Variants in BCL9 observed in about 807,000 individuals in gnomAD.
BCL9 encodes the protein BCL9 transcription coactivator.
Under a neutral mutation model 88.5 loss-of-function variants are expected in BCL9, and 25 were observed. The observed-to-expected ratio is 0.28, with a 90% CI of 0.21 to 0.39. The LOEUF is 0.39. Among genes scored for constraint, BCL9 ranks in the 10% least tolerant of loss-of-function variants. BCL9 has a pLI of 1.00. For missense variants in BCL9, 1,817 were observed against 1,877.8 expected (o/e 0.97, Z 0.60); for synonymous variants, 711 against 673.3 (o/e 1.06, Z -0.87).
At chr1:147,562,160 C>G (rs1042207321) in intron 1 of BCL9, among the ~76,000 whole-genome samples, 1 of 152,120 alleles carries the variant, frequency 6.6e-6, no homozygotes, top group Non-Finnish European at 1.5e-5. Context: ...GAAACCCTGT[C>G]TCTACTAAAA....
intron 3 of BCL9, among the ~76,000 whole-genome samples, chr1:147,609,103 AT>A (rs1657873849): frequency 1.3e-5 from 2 of 152,220 alleles, no homozygotes; most frequent in Non-Finnish European, 2.9e-5. Flanking sequence ...AGAGAAAAAC[AT>A]TGTATAAGTA....
At chr1:147,608,991 C>T (rs1303939727) in intron 3 of BCL9, among the ~76,000 whole-genome samples, 1 of 152,158 alleles carries the variant, frequency 6.6e-6, no homozygotes. Context: ...AGTGGTGGCA[C>T]CTGCCTCCTG....
rs1303893564 is a variant in BCL9, at chr1:147,624,578, G to A, written c.3900G>A (p.Pro1300=). Residue 1300 remains proline, a synonymous_variant, in exon 10 of 10, where the codon CCG becomes CCA. Transcript: ENST00000234739. The surrounding 1 kb of genome is among the most constrained non-coding windows in gnomAD (Gnocchi z 4.4). ...GMGGPGPVGT[P]DIPLGTAPSM... is the part of the protein sequence containing the mutation. ...GAGGTCCAGGGCCAGTGGGAACTCC[G>A]GACATCCCTCTTGGTACAGCTCCAT... is the stretch of plus-strand genomic sequence containing the variant. The A allele has an allele frequency of 1.1e-5, 17 of 1,614,146 alleles. No homozygotes were observed. Among genetic ancestry groups the A allele is most frequent in the Admixed American group, 5.0e-5 (3 of 60,024 alleles).
chr1:147,587,217 C>G (rs1482512358), intron 1 of BCL9, among the ~76,000 whole-genome samples: 6 of 151,994 alleles, frequency 3.9e-5, no homozygotes, highest in African/African-American at 1.5e-4. Context: ...CTTCTCCAGA[C>G]TTTATACGCC....
chr1:147,614,631 G>T lies in BCL9; in HGVS notation c.560+15G>T, dbSNP rs1658180264. ...ATGGCCAATAAGTAAGTTGATGGCT[G>T]TGTCTTGCTGTTGGGCAGGGCTTGT... On this transcript the variant is annotated intron_variant, in intron 6 of 9. Coordinates refer to ENST00000234739, the MANE Select transcript of BCL9 (RefSeq NM_004326.4). The T allele has an allele frequency of 1.3e-6, 2 of 1,595,846 alleles. No homozygotes were observed. The highest frequency in any genetic ancestry group is 1.7e-6 in the Non-Finnish European group (2 of 1,169,250).
At chr1:147,601,924 G>T (rs782454373) in intron 1 of BCL9, among the ~76,000 whole-genome samples, 1 of 152,036 alleles carries the variant, frequency 6.6e-6, no homozygotes, top group South Asian at 2.1e-4. Flanking sequence ...TTTTTGAGAC[G>T]GAGTCTCGCT....
intron 7 of BCL9, among the ~76,000 whole-genome samples, chr1:147,616,219 G>C (rs1440855082): frequency 1.3e-5 from 2 of 152,038 alleles, no homozygotes; most frequent in African/African-American, 4.8e-5. Flanking sequence ...GTACAGAGCA[G>C]GTTTTTTAAA....
Position 147,613,014 on chromosome 1 carries a change from C to A in BCL9, c.185C>A (p.Ser62Tyr), listed in dbSNP as rs1056336704. ...QGGSASQSQP[S>Y]PCDSKSGGHT... ...GGCTCAGCCAGCCAATCCCAGCCAT[C>A]CCCCTGTGACTCCAAGAGTGGGGGC... Residue 62 changes from serine (S) to tyrosine (Y), a missense_variant, in exon 5 of 10, where the codon TCC becomes TAC. Transcript: ENST00000234739. 1.2e-6 allele frequency: 2 copies of A among 1,603,412 alleles called. No individual in the cohort carries two copies. The highest frequency in any genetic ancestry group is 2.7e-5 in the African/African-American group (2 of 74,662).
intron 2 of BCL9, among the ~76,000 whole-genome samples, chr1:147,605,555 A>G (rs1316321357): frequency 2.0e-5 from 3 of 152,224 alleles, no homozygotes; most frequent in African/African-American, 7.2e-5. Context: ...TAATTTGCTT[A>G]AAGTTAGCTA....
intron 1 of BCL9, among the ~76,000 whole-genome samples, chr1:147,589,572 T>C (rs1225935170): frequency 6.6e-6 from 1 of 152,236 alleles, no homozygotes; most frequent in African/African-American, 2.4e-5. Context: ...AATGAAATCA[T>C]GCAATATGTA....
chr1:147,563,798 C>T (rs10793690), intron 1 of BCL9, among the ~76,000 whole-genome samples: 36,585 of 152,182 alleles, frequency 0.24, 9,054 homozygotes, highest in African/African-American at 0.64. Flanking sequence ...TATTAACAAC[C>T]ACTACTCATT....
At chr1:147,592,864 A>T (rs782019971) in intron 1 of BCL9, among the ~76,000 whole-genome samples, 5 of 152,122 alleles carry the variant, frequency 3.3e-5, no homozygotes, top group Non-Finnish European at 7.4e-5. Context: ...ACCTATTACC[A>T]GTACTCCACT....
intron 1 of BCL9, among the ~76,000 whole-genome samples, chr1:147,592,682 C>T (rs1194951378): frequency 6.6e-6 from 1 of 152,164 alleles, no homozygotes; most frequent in Non-Finnish European, 1.5e-5. Context: ...AGGGGATAGC[C>T]TTTCAGTGTC....
rs781989760 is a variant in BCL9, at chr1:147,620,536, A to G, written c.2381A>G (p.Asn794Ser). The G allele has an allele frequency of 6.2e-7, 1 of 1,613,866 alleles. No homozygotes were observed. Among genetic ancestry groups the G allele is most frequent in the African/African-American group, 1.3e-5 (1 of 74,928 alleles). ...CCCATGTCTCAGGGTCCAGGCAGCA[A>G]CAGTGGCTTGCGGAATCTCAGAGAA... The part of the protein sequence containing the change: ...FLPMSQGPGS[N>S]SGLRNLREPI... The change falls in exon 8 of 10, where the codon AAC becomes AGC. Residue 794 changes from asparagine to serine, a missense_variant. Physicochemically the swap from Asn to Ser is conservative, Grantham distance 46 (BLOSUM62 1). Transcript: ENST00000234739.
intron 1 of BCL9, among the ~76,000 whole-genome samples, chr1:147,592,243 G>A (rs1656877352): frequency 6.6e-6 from 1 of 152,186 alleles, no homozygotes; most frequent in African/African-American, 2.4e-5. Flanking sequence ...AGTTAGCAAA[G>A]CCTGTCTTTA....
intron 1 of BCL9, among the ~76,000 whole-genome samples, chr1:147,576,297 C>G (rs1192981474): frequency 4.6e-5 from 7 of 152,170 alleles, no homozygotes; most frequent in African/African-American, 1.2e-4. Flanking sequence ...CCACCTTTCT[C>G]TCATCTCCCG....
chr1:147,609,448 A>G (rs1657893589), intron 3 of BCL9, among the ~76,000 whole-genome samples: 1 of 152,206 alleles, frequency 6.6e-6, no homozygotes, highest in Non-Finnish European at 1.5e-5. Flanking sequence ...AATGGGAAGG[A>G]AGATGGCTTC....
intron 1 of BCL9, among the ~76,000 whole-genome samples, chr1:147,572,574 A>G (rs150715945): frequency 1.9e-3 from 282 of 152,260 alleles, no homozygotes; most frequent in Non-Finnish European, 3.2e-3. Flanking sequence ...GTTCATAGGT[A>G]GAAGTTTTTG....
At position 147,625,936 on chromosome 1, in the gene BCL9, C is replaced by G. The variant is rs902939674; in HGVS notation, c.*977C>G. ...TGGGATGCTCTCTGGTCTTTTTTCC[C>G]CCTAAGTCTTTCTCTTTCCCATCAT... On this transcript the variant is annotated 3_prime_UTR_variant, in exon 10 of 10. Coordinates refer to ENST00000234739, the MANE Select transcript of BCL9 (RefSeq NM_004326.4). The G allele has an allele frequency of 1.2e-4, 28 of 232,848 alleles. No individual in the cohort carries two copies. Among genetic ancestry groups the G allele is most frequent in the Non-Finnish European group, 1.9e-4 (22 of 117,608 alleles). 14.4% of individuals were successfully genotyped at this position (232,848 alleles called of 1,614,324 possible). A position where few individuals can be genotyped will look rare whatever the true frequency, so the allele number is the denominator to read the frequency against.
Sources: gnomAD v4.1 joint callset for allele counts (sites outside exome capture counted in the v4.1 genomes callset) on GRCh38, gnomAD v4.1.1 for gene constraint, Gnocchi (gnomAD v3.1) non-coding constraint, MANE v1.5 for transcripts, NCBI Gene and HGNC (gene_info 2026-07-23, HGNC 2026-07-21) for gene names.